RIMS2: variants seen among roughly 807,000 people sequenced by gnomAD.
RIMS2 encodes the protein regulating synaptic membrane exocytosis 2.
RIMS2 carries 59 observed loss-of-function variants against 174.4 expected under a neutral mutation model. The ratio of observed to expected loss-of-function variants is 0.34; its 90% CI spans 0.27 to 0.42. The LOEUF (loss-of-function observed/expected upper bound fraction) is 0.42. Ranked by LOEUF, RIMS2 falls within the 10% of genes least tolerant of loss-of-function variation. The pLI is 1.00. For synonymous variants in RIMS2, 606 were observed against 572.5 expected, an observed-to-expected ratio of 1.06 and a Z score of -0.84; for missense variants, 1,620 against 1,666.3, an observed-to-expected ratio of 0.97 and a Z score of 0.48.
intron 1 of RIMS2, among the ~76,000 whole-genome samples, chr8:103,622,625 T>C (rs2095663070): frequency 6.6e-6 from 1 of 152,198 alleles, no homozygotes; most frequent in African/African-American, 2.4e-5. Flanking sequence ...GCACATTCCG[T>C]TTTCAAAGTC....
chr8:103,579,042 AGG>A (rs1380087891), intron 1 of RIMS2, among the ~76,000 whole-genome samples: 2 of 152,118 alleles, frequency 1.3e-5, no homozygotes, highest in African/African-American at 2.4e-5. Flanking sequence ...ACAGACATGA[AGG>A]AGAGAGAAAG....
chr8:103,936,671 C>T, exon 13 of RIMS2: 5 of 1,609,524 alleles, frequency 3.1e-6, no homozygotes, highest in Non-Finnish European at 4.2e-6. Flanking sequence ...TAGAGATTAC[C>T]CTTTGGGATC....
At chr8:104,200,153 G>A (rs1001874638) in intron 19 of RIMS2, among the ~76,000 whole-genome samples, 3 of 152,066 alleles carry the variant, frequency 2.0e-5, no homozygotes, top group African/African-American at 7.2e-5. Context: ...CCTACTAATG[G>A]ATCCAAATGA....
chr8:103,788,933 C>T (rs2098469710), intron 3 of RIMS2, among the ~76,000 whole-genome samples: 1 of 152,318 alleles, frequency 6.6e-6, no homozygotes, highest in East Asian at 1.9e-4. Context: ...ACTCCGTGGG[C>T]GTTGGACCCT....
intron 1 of RIMS2, among the ~76,000 whole-genome samples, chr8:103,612,342 T>G (rs866816142): frequency 3.9e-5 from 6 of 152,208 alleles, no homozygotes; most frequent in Admixed American, 2.0e-4. Flanking sequence ...GTTTTGATGC[T>G]TGTAGATGTT....
intron 15 of RIMS2, among the ~76,000 whole-genome samples, chr8:103,962,499 C>A (rs918327342): frequency 6.6e-6 from 1 of 152,090 alleles, no homozygotes; most frequent in Non-Finnish European, 1.5e-5. Flanking sequence ...TCTGGTGAAT[C>A]GTTTAATAAG....
chr8:103,788,981 T>C (rs1259823485), intron 3 of RIMS2, among the ~76,000 whole-genome samples: 2 of 152,124 alleles, frequency 1.3e-5, no homozygotes, highest in African/African-American at 4.8e-5. Context: ...TGGTGCGCCG[T>C]TTTTTAAGCC....
intron 19 of RIMS2, among the ~76,000 whole-genome samples, chr8:104,166,136 G>A (rs1053558287): frequency 1.0e-4 from 15 of 143,716 alleles, no homozygotes; most frequent in African/African-American, 3.1e-4. Flanking sequence ...GCGTGATCTC[G>A]GCTCACTGCA....
chr8:103,805,719 C>T (rs2098645579), intron 3 of RIMS2, among the ~76,000 whole-genome samples: 3 of 151,956 alleles, frequency 2.0e-5, no homozygotes, highest in South Asian at 2.1e-4. Context: ...ATTATATTTC[C>T]ACCTGAACTT....
At chr8:104,227,852 A>G (rs1481710158) in intron 19 of RIMS2, among the ~76,000 whole-genome samples, 1 of 152,322 alleles carries the variant, frequency 6.6e-6, no homozygotes, top group South Asian at 2.1e-4. Flanking sequence ...CTTAAAAATA[A>G]ATTATAGGAA....
At chr8:104,098,027 C>A (rs772236658) in intron 19 of RIMS2, among the ~76,000 whole-genome samples, 2 of 152,184 alleles carry the variant, frequency 1.3e-5, no homozygotes, top group South Asian at 4.1e-4. Context: ...TTGCTATTTT[C>A]GTTAATTAGA....
Position 103,622,983 on chromosome 8 carries a change from A to G in RIMS2, c.177-74103A>G, listed in dbSNP as rs543852698. Among the ~76,000 whole-genome samples the G allele has an allele frequency of 3.3e-5, 5 of 152,358 alleles. No individual in the cohort carries two copies. In the East Asian group the frequency reaches 7.7e-4, roughly 23 times the overall value. On this transcript the variant is annotated intron_variant, in intron 1 of 23. Transcript: ENST00000504942. ...CACAACATATGAGAGCACTTAAAATAATGAGAATTTCTGAAACAACTTGAA... is the reference window on the plus strand; with the variant it reads ...CACAACATATGAGAGCACTTAAAATGATGAGAATTTCTGAAACAACTTGAA...
chr8:103,539,429 A>G (rs1841471245), intron 1 of RIMS2, among the ~76,000 whole-genome samples: 2 of 152,236 alleles, frequency 1.3e-5, no homozygotes, highest in Admixed American at 6.5e-5. Context: ...CAAGGGCCCA[A>G]TAAAGTATAC....
At chr8:103,638,734 T>C (rs1468657547) in intron 1 of RIMS2, among the ~76,000 whole-genome samples, 3 of 152,074 alleles carry the variant, frequency 2.0e-5, no homozygotes, top group Admixed American at 6.5e-5. Flanking sequence ...TCTCAAAATA[T>C]CTTTGATTGG....
chr8:103,862,728 C>T (rs1486137958), intron 3 of RIMS2, among the ~76,000 whole-genome samples: 4 of 151,910 alleles, frequency 2.6e-5, no homozygotes, highest in African/African-American at 9.7e-5. Context: ...TTTGTTGTGG[C>T]TATTGTAAAT....
At chr8:104,071,225 A>G (rs2097190217) in intron 19 of RIMS2, among the ~76,000 whole-genome samples, 1 of 152,242 alleles carries the variant, frequency 6.6e-6, no homozygotes, top group African/African-American at 2.4e-5. Context: ...TAAGGCTTCA[A>G]AGTTTTATAT....
At chr8:104,059,697 G>A (rs1204831285) in intron 19 of RIMS2, among the ~76,000 whole-genome samples, 4 of 150,250 alleles carry the variant, frequency 2.7e-5, no homozygotes, top group African/African-American at 9.8e-5. Context: ...TATGATATTG[G>A]CTGTGGGTTT....
rs117026722 is a variant in RIMS2 at position 103,998,621 on chromosome 8, T to C, written c.3044+9200T>C. Among the ~76,000 whole-genome samples, 16 of 151,906 alleles carry C rather than the reference T, an allele frequency of 1.1e-4. No individual in the cohort carries two copies. In the East Asian group the frequency reaches 2.7e-3, roughly 26 times the overall value. ...TCCATAATTAGGTATTTAGATGGCA[T>C]AGGTCTTGAAAACTCACTTTCCCAC... On this transcript the variant is annotated intron_variant, in intron 17 of 23. Coordinates refer to ENST00000504942, the Ensembl canonical transcript of RIMS2.
At chr8:103,796,101 C>T (rs929687629) in intron 3 of RIMS2, among the ~76,000 whole-genome samples, 4 of 152,092 alleles carry the variant, frequency 2.6e-5, no homozygotes, top group Non-Finnish European at 5.9e-5. Context: ...CCTTCCCCAT[C>T]AACTCCCCAC....
Sources: gnomAD v4.1 joint callset for allele counts (sites outside exome capture counted in the v4.1 genomes callset) on GRCh38, gnomAD v4.1.1 for gene constraint, MANE v1.5 for transcripts, NCBI Gene and HGNC (gene_info 2026-07-23, HGNC 2026-07-21) for gene names.